ARPC3: variants seen among roughly 807,000 people sequenced by gnomAD.
The protein encoded by ARPC3 is actin-related protein 2/3 complex subunit 3.
Under a neutral mutation model 27.6 loss-of-function variants are expected in ARPC3, and 12 were observed. The observed-to-expected ratio is 0.43, with a 90% CI of 0.28 to 0.70. The LOEUF (loss-of-function observed/expected upper bound fraction) is 0.70, where lower values mean the gene tolerates loss of function less well. Ranked by LOEUF, ARPC3 falls within the 30% of genes least tolerant of loss-of-function variation. The pLI, the probability that ARPC3 is intolerant of heterozygous loss-of-function variation, is 0.17. For missense variants in ARPC3, 153 were observed against 207.7 expected, an observed-to-expected ratio of 0.74 and a Z score of 1.62; for synonymous variants, 53 against 67.2, an observed-to-expected ratio of 0.79 and a Z score of 1.03.
intron 2 of ARPC3, chr12:110,442,987 G>A (rs1310725646): frequency 6.6e-6 from 1 of 152,152 alleles, no homozygotes; most frequent in Non-Finnish European, 1.5e-5. Flanking sequence ...GACTGTTAAC[G>A]TTCTCGCACA....
chr12:110,443,789 C>A (rs2135502864), intron 2 of ARPC3, among the ~76,000 whole-genome samples: 2 of 152,198 alleles, frequency 1.3e-5, no homozygotes, highest in Middle Eastern at 6.8e-3. Flanking sequence ...AATATTGTTT[C>A]CAAAAACCAG....
At chr12:110,444,410 G>A (rs1221517201) in intron 2 of ARPC3, among the ~76,000 whole-genome samples, 1 of 151,726 alleles carries the variant, frequency 6.6e-6, no homozygotes, top group East Asian at 1.9e-4. Flanking sequence ...TCAGCCTCCT[G>A]AGTAGCTGGG....
At chr12:110,446,098 C>T (rs2062462772) in intron 1 of ARPC3, among the ~76,000 whole-genome samples, 1 of 144,942 alleles carries the variant, frequency 6.9e-6, no homozygotes, top group African/African-American at 2.5e-5. Context: ...GCAAGACTGT[C>T]TCAAAAAAAA....
In ARPC3 at chr12:110,441,819, T is replaced by A. The variant is rs1198327610; in HGVS notation, c.107-1431A>T. Among the ~76,000 whole-genome samples, 3 of 151,824 alleles carry A rather than the reference T, an allele frequency of 2.0e-5. No individual in the cohort carries two copies. The East Asian group carries it at 5.8e-4, about 29-fold the overall frequency. ...GCCGAGACGGGTGGATCACCTGAGG[T>A]CAGGAGTTTGAGAGCAGCCTGGCCA... On this transcript the variant is annotated intron_variant, in intron 2 of 6. Transcript: ENST00000228825.
At chr12:110,443,549 C>G (rs953458851) in intron 2 of ARPC3, among the ~76,000 whole-genome samples, 11 of 152,224 alleles carry the variant, frequency 7.2e-5, no homozygotes, top group Non-Finnish European at 1.5e-4. Context: ...TCTCCTGTCT[C>G]AGCCTCCCAT....
chr12:110,442,157 A>G (rs1361908569), intron 2 of ARPC3, among the ~76,000 whole-genome samples: 2 of 152,152 alleles, frequency 1.3e-5, no homozygotes, highest in South Asian at 4.1e-4. Context: ...CATAAGCCAC[A>G]GCACCAGGCA....
intron 2 of ARPC3, among the ~76,000 whole-genome samples, chr12:110,444,574 C>T (rs561522031): frequency 1.3e-5 from 2 of 152,236 alleles, no homozygotes; most frequent in African/African-American, 2.4e-5. Flanking sequence ...TGTGAGCCAC[C>T]GCACCCAGCC....
chr12:110,448,996 G>T (rs1162173148), intron 1 of ARPC3, among the ~76,000 whole-genome samples: 2 of 151,408 alleles, frequency 1.3e-5, no homozygotes, highest in African/African-American at 4.8e-5. Flanking sequence ...GGCTGGTCTT[G>T]AACTCCTGAC....
intron 1 of ARPC3, among the ~76,000 whole-genome samples, chr12:110,449,657 C>T (rs1182035101): frequency 5.3e-5 from 8 of 152,276 alleles, no homozygotes; most frequent in Middle Eastern, 3.4e-3. Flanking sequence ...GATAAATCTA[C>T]CCCACAAACT....
At chr12:110,449,084 C>T (rs2062483936) in intron 1 of ARPC3, among the ~76,000 whole-genome samples, 2 of 151,840 alleles carry the variant, frequency 1.3e-5, no homozygotes, top group Admixed American at 6.6e-5. Flanking sequence ...ACCCATCTAG[C>T]TTCTTTATAG....
Position 110,437,140 on chromosome 12 carries a change from T to G in ARPC3, c.196A>C (p.Arg66=), listed in dbSNP as rs779388559. 5 of 1,595,978 alleles carry G rather than the reference T, an allele frequency of 3.1e-6. No homozygotes were observed. The highest frequency in any genetic ancestry group is 4.3e-6 in the Non-Finnish European group (5 of 1,164,672). Residue 66 remains arginine (R), a synonymous_variant, in exon 4 of 7, where the codon AGG becomes CGG. Transcript: ENST00000228825. ...KNYEIKNEAD[R]TLIYITLYIS... ...TAGAGAGTTATATATATCAAGGTCC[T>G]ATCAGCTTCATTCTACAGGGAGAAA...
intron 6 of ARPC3, among the ~76,000 whole-genome samples, chr12:110,435,905 C>T (rs144993745): frequency 6.6e-6 from 1 of 152,308 alleles, no homozygotes; most frequent in Non-Finnish European, 1.5e-5. Flanking sequence ...GGATTACAGG[C>T]GTGAGCCACT....
intron 2 of ARPC3, among the ~76,000 whole-genome samples, chr12:110,441,384 G>A (rs1294186738): frequency 6.6e-6 from 1 of 152,094 alleles, no homozygotes; most frequent in Non-Finnish European, 1.5e-5. Context: ...GCCTGCCTCA[G>A]CCTCCCAAAG....
At position 110,434,866 on chromosome 12, in the gene ARPC3, G is replaced by GA; in HGVS notation, c.*288dup. The GA allele has an allele frequency of 1.7e-6, 1 of 575,506 alleles. No individual in the cohort carries two copies. The highest frequency in any genetic ancestry group is 3.2e-6 in the Non-Finnish European group (1 of 314,188). The allele number at this position is 575,506 out of a possible 1,614,324, so 35.6% of individuals were successfully genotyped here. A position where few individuals can be genotyped will look rare whatever the true frequency, so the allele number is the denominator to read the frequency against. ...TTTTATCTCAAAACAAATTGTAAGT[G>GA]AATGTCAAAGACTGGCAATAAAGTT... On this transcript the variant is annotated 3_prime_UTR_variant, in exon 7 of 7. Coordinates refer to ENST00000228825, the MANE Select transcript of ARPC3 (RefSeq NM_001278556.2).
Position 110,449,719 on chromosome 12 carries a change from C to CT in ARPC3, c.6+535dup, listed in dbSNP as rs1055737206. Among the ~76,000 whole-genome samples the CT allele has an allele frequency of 2.0e-4, 30 of 152,296 alleles. No homozygotes were observed. In the East Asian group the frequency reaches 2.5e-3, roughly 13 times the overall value. On this transcript the variant is annotated intron_variant, in intron 1 of 6. Coordinates refer to ENST00000228825, the MANE Select transcript of ARPC3 (RefSeq NM_001278556.2). ...GCCGTCATAATTTTTTACTCCCACT[C>CT]TGATGGCACACGAAAAAGGAAATCT...
At chr12:110,437,740 C>G (rs986461694) in intron 3 of ARPC3, among the ~76,000 whole-genome samples, 1 of 152,104 alleles carries the variant, frequency 6.6e-6, no homozygotes, top group African/African-American at 2.4e-5. Flanking sequence ...TCAACAGCCC[C>G]TCACTGTATA....
chr12:110,436,705 T>TACAC (rs2062406815), intron 4 of ARPC3, 22 bp from the exon 5 acceptor site: 3 of 920,682 alleles, frequency 3.3e-6, no homozygotes, highest in African/African-American at 4.3e-5. Flanking sequence ...AATATATATA[T>TACAC]ATATATACAC....
intron 3 of ARPC3, among the ~76,000 whole-genome samples, chr12:110,437,972 C>T (rs1401606875): frequency 6.6e-6 from 1 of 152,044 alleles, no homozygotes; most frequent in East Asian, 1.9e-4. Context: ...GAATGTTGAT[C>T]AAATGTGGTA....
chr12:110,436,997 A>G (rs1225711792), intron 4 of ARPC3, 87 bp downstream of exon 4: 8 of 970,320 alleles, frequency 8.2e-6, no homozygotes, highest in Non-Finnish European at 1.2e-5. Flanking sequence ...CTTGTCTTTA[A>G]AGTCTCAACA....
Sources: gnomAD v4.1 joint callset for allele counts (sites outside exome capture counted in the v4.1 genomes callset) on GRCh38, gnomAD v4.1.1 for gene constraint, MANE v1.5 for transcripts, NCBI Gene and HGNC (gene_info 2026-07-23, HGNC 2026-07-21) for gene names.